AFF3: variants seen among roughly 807,000 people sequenced by gnomAD.
The protein encoded by AFF3 is ALF transcription elongation factor 3.
Under a neutral mutation model 129.7 loss-of-function variants are expected in AFF3, and 32 were observed. The observed-to-expected ratio is 0.25, with a 90% CI of 0.19 to 0.33. The LOEUF is 0.33. Among genes scored for constraint, AFF3 ranks in the 10% least tolerant of loss-of-function variants. The probability of loss-of-function intolerance (pLI) is 1.00; values close to 1 mark genes in which losing one functional copy is unlikely to be tolerated. For missense variants in AFF3, 1,373 were observed against 1,592.0 expected, an observed-to-expected ratio of 0.86 and a Z score of 2.34; for synonymous variants, 644 against 635.4, an observed-to-expected ratio of 1.01 and a Z score of -0.20.
intron 7 of AFF3, among the ~76,000 whole-genome samples, chr2:99,988,514 G>A (rs1300571173): frequency 6.6e-6 from 1 of 152,162 alleles, no homozygotes; most frequent in Non-Finnish European, 1.5e-5. Flanking sequence ...CTAGGTTAGT[G>A]TTTTCTAGCA....
chr2:99,986,128 G>C (rs922516710), intron 7 of AFF3, among the ~76,000 whole-genome samples: 1 of 151,166 alleles, frequency 6.6e-6, no homozygotes, highest in African/African-American at 2.4e-5. Context: ...GTGAACCCAG[G>C]AGGCGGAGCT....
intron 13 of AFF3, among the ~76,000 whole-genome samples, chr2:99,603,450 CCCTT>C (rs1327806078): frequency 5.9e-5 from 9 of 152,048 alleles, no homozygotes; most frequent in African/African-American, 1.7e-4. Context: ...GAAACTGGAC[CCCTT>C]CCTTACACCA....
intron 11 of AFF3, among the ~76,000 whole-genome samples, chr2:99,714,620 C>G (rs1678209221): frequency 6.6e-6 from 1 of 152,152 alleles, no homozygotes; most frequent in Non-Finnish European, 1.5e-5. Flanking sequence ...AAATAAGTAT[C>G]AGGAAGGTTT....
chr2:100,140,737 C>T (rs1183346118), intron 1 of AFF3, among the ~76,000 whole-genome samples: 1 of 152,072 alleles, frequency 6.6e-6, no homozygotes, highest in African/African-American at 2.4e-5. Context: ...GTCATCAAGC[C>T]CACAGAGCTC....
intron 10 of AFF3, among the ~76,000 whole-genome samples, chr2:99,727,841 C>A (rs536367851): frequency 1.3e-5 from 2 of 152,144 alleles, no homozygotes; most frequent in Non-Finnish European, 1.5e-5. Flanking sequence ...GAATTACAGG[C>A]GTGAACCACC....
At chr2:99,994,994 T>C (rs528351184) in intron 7 of AFF3, among the ~76,000 whole-genome samples, 13 of 152,130 alleles carry the variant, frequency 8.5e-5, no homozygotes, top group African/African-American at 2.4e-4. Context: ...CTCAGAAAAT[T>C]TGTGAGATCA....
chr2:99,995,023 T>C (rs1680709247), intron 7 of AFF3, among the ~76,000 whole-genome samples: 1 of 152,064 alleles, frequency 6.6e-6, no homozygotes, highest in African/African-American at 2.4e-5. Context: ...CAAATAAAAA[T>C]AAATAATAAT....
At chr2:99,727,173 GT>G in intron 10 of AFF3, 45 bp from the exon 11 acceptor site, 1 of 1,529,436 alleles carries the variant, frequency 6.5e-7, no homozygotes, top group Non-Finnish European at 8.9e-7. Context: ...GAGTCTTACA[GT>G]CTTTAAGATT....
chr2:99,656,883 C>T (rs1685793849), intron 12 of AFF3, among the ~76,000 whole-genome samples: 1 of 152,032 alleles, frequency 6.6e-6, no homozygotes. Context: ...CAACTTTGAC[C>T]TCATCCCATT....
chr2:99,577,430 C>T (rs1188883229), intron 18 of AFF3, among the ~76,000 whole-genome samples: 1 of 152,092 alleles, frequency 6.6e-6, no homozygotes, highest in African/African-American at 2.4e-5. Context: ...GTCACTGGGA[C>T]TCTTGGACAT....
chr2:99,597,103 G>C (rs1679363009), intron 14 of AFF3, among the ~76,000 whole-genome samples: 1 of 152,170 alleles, frequency 6.6e-6, no homozygotes, highest in Non-Finnish European at 1.5e-5. Flanking sequence ...GAGGCTCAGA[G>C]AGGCTAAGGG....
intron 4 of AFF3, among the ~76,000 whole-genome samples, chr2:100,071,794 C>T (rs182672577): frequency 6.6e-6 from 1 of 152,266 alleles, no homozygotes; most frequent in Non-Finnish European, 1.5e-5. Context: ...GCTTGTTTCT[C>T]CTCCGTGAAT....
intron 8 of AFF3, among the ~76,000 whole-genome samples, chr2:99,797,668 T>A (rs569582928): frequency 9.9e-5 from 15 of 152,152 alleles, no homozygotes; most frequent in Non-Finnish European, 1.9e-4. Context: ...GAGAAACATT[T>A]AAAAGCAGCC....
chr2:99,939,437 AT>A (rs764850827), intron 7 of AFF3, among the ~76,000 whole-genome samples: 326 of 152,354 alleles, frequency 2.1e-3, no homozygotes, highest in Non-Finnish European at 3.4e-3. Context: ...AAGTTCTCTG[AT>A]GCAGGAGAGA....
rs377023275 is a variant in AFF3 at position 100,054,119 on chromosome 2, C to T, written c.54-45187G>A. Among the ~76,000 whole-genome samples the T allele has an allele frequency of 1.4e-4, 21 of 152,246 alleles. No individual in the cohort carries two copies. The East Asian group carries it at 2.5e-3, about 18-fold the overall frequency. ...CCTCTACACCTGCTGAACAGTGTGG[C>T]AGGAAGAACATAGGGCTGTGGAGTG... On this transcript the variant is annotated intron_variant, in intron 4 of 24. Coordinates refer to ENST00000672756, the MANE Select transcript of AFF3 (RefSeq NM_001386135.1).
At chr2:99,843,615 T>C (rs909693309) in intron 7 of AFF3, among the ~76,000 whole-genome samples, 6 of 152,206 alleles carry the variant, frequency 3.9e-5, no homozygotes, top group African/African-American at 1.4e-4. Context: ...TTTTAATGTA[T>C]TGTATCACCA....
chr2:99,668,002 T>C (rs186607090), intron 12 of AFF3, among the ~76,000 whole-genome samples: 1,899 of 151,664 alleles, frequency 0.013, 26 homozygotes, highest in Middle Eastern at 0.051. Context: ...TAAAAAAATA[T>C]AAAAAATTAG....
chr2:100,013,425 C>A (rs1682722483), intron 4 of AFF3, among the ~76,000 whole-genome samples: 1 of 152,172 alleles, frequency 6.6e-6, no homozygotes, highest in East Asian at 1.9e-4. Context: ...AATATTATGA[C>A]TAGGTTAACT....
chr2:99,565,742 G>C, intron 19 of AFF3, 119 bp from the exon 20 acceptor site: 1 of 1,119,868 alleles, frequency 8.9e-7, no homozygotes, highest in Non-Finnish European at 1.3e-6. Context: ...ATCCTATGAA[G>C]CTGAGAGAAG....
Sources: gnomAD v4.1 joint callset for allele counts (sites outside exome capture counted in the v4.1 genomes callset) on GRCh38, gnomAD v4.1.1 for gene constraint, MANE v1.5 for transcripts, NCBI Gene and HGNC (gene_info 2026-07-23, HGNC 2026-07-21) for gene names.